KIAA0825: variants seen among roughly 807,000 people sequenced by gnomAD.
KIAA0825 encodes uncharacterized protein KIAA0825.
Under a neutral mutation model 147.6 loss-of-function variants are expected in KIAA0825, and 119 were observed. The observed-to-expected ratio is 0.81, with a 90% confidence interval of 0.69 to 0.94. The LOEUF (loss-of-function observed/expected upper bound fraction) is 0.94, where lower values mean the gene tolerates loss of function less well. Among genes scored for constraint, KIAA0825 ranks in the 40% least tolerant of loss-of-function variants. KIAA0825 has a pLI of 0.00. For missense variants in KIAA0825, 1,381 were observed against 1,472.7 expected (o/e 0.94, Z 1.02); for synonymous variants, 470 against 518.1 (o/e 0.91, Z 1.26).
At chr5:94,529,244 A>C (rs1024977924) in intron 3 of KIAA0825, among the ~76,000 whole-genome samples, 2 of 123,252 alleles carry the variant, frequency 1.6e-5, no homozygotes, top group Non-Finnish European at 3.3e-5. Flanking sequence ...ATGTATATAT[A>C]CATATATATG....
intron 12 of KIAA0825, among the ~76,000 whole-genome samples, chr5:94,458,873 A>AGAT (rs1437080238): frequency 7.9e-5 from 12 of 152,160 alleles, no homozygotes; most frequent in Admixed American, 7.9e-4. Context: ...GTATACAATT[A>AGAT]GATGGTTTAT....
intron 15 of KIAA0825, chr5:94,415,796 T>A (rs987862769): frequency 1.3e-5 from 2 of 152,188 alleles, no homozygotes; most frequent in Admixed American, 1.3e-4. Flanking sequence ...CAAGAAACAG[T>A]TTTATTTTGC....
At chr5:94,352,021 G>C (rs1444986134) in intron 20 of KIAA0825, among the ~76,000 whole-genome samples, 2 of 152,116 alleles carry the variant, frequency 1.3e-5, no homozygotes, top group Non-Finnish European at 2.9e-5. Flanking sequence ...GCTTAGGCAA[G>C]GATTTCATGA....
intron 17 of KIAA0825, among the ~76,000 whole-genome samples, chr5:94,392,726 G>A (rs906593873): frequency 6.6e-6 from 1 of 152,070 alleles, no homozygotes. Context: ...AGTCAATGCC[G>A]CTGACCTGAA....
intron 20 of KIAA0825, among the ~76,000 whole-genome samples, chr5:94,222,353 A>G (rs1773739337): frequency 6.6e-6 from 1 of 152,196 alleles, no homozygotes; most frequent in South Asian, 2.1e-4. Context: ...AAAGAAAAGA[A>G]GAGGAGAGAG....
At chr5:94,274,900 C>G (rs921705021) in intron 20 of KIAA0825, among the ~76,000 whole-genome samples, 1 of 152,018 alleles carries the variant, frequency 6.6e-6, no homozygotes, top group Non-Finnish European at 1.5e-5. Context: ...TGTCACGTGA[C>G]CATTTCTGAA....
intron 20 of KIAA0825, among the ~76,000 whole-genome samples, chr5:94,172,986 C>T (rs1768773545): frequency 6.6e-6 from 1 of 152,174 alleles, no homozygotes; most frequent in Admixed American, 6.6e-5. Context: ...TGGTATTTTA[C>T]TGTCCCTCAT....
intron 8 of KIAA0825, among the ~76,000 whole-genome samples, 186 bp downstream of exon 8, chr5:94,473,106 C>G (rs767334894): frequency 2.6e-5 from 4 of 152,142 alleles, no homozygotes; most frequent in Non-Finnish European, 5.9e-5. Context: ...AAGTTAGCAC[C>G]AGGTATAAGT....
chr5:94,160,636 ATG>A (rs912153986), intron 20 of KIAA0825, among the ~76,000 whole-genome samples: 1 of 148,236 alleles, frequency 6.7e-6, no homozygotes, highest in African/African-American at 2.5e-5. Context: ...TATATACTGT[ATG>A]TGTGTATATT....
chr5:94,390,227 G>A (rs1384627052), intron 18 of KIAA0825, among the ~76,000 whole-genome samples: 2 of 152,204 alleles, frequency 1.3e-5, no homozygotes, highest in Non-Finnish European at 2.9e-5. Flanking sequence ...CGTTCTATCA[G>A]TTTGGCAATT....
chr5:94,545,353 A>G (rs1385315991), intron 2 of KIAA0825, among the ~76,000 whole-genome samples: 1 of 152,140 alleles, frequency 6.6e-6, no homozygotes, highest in Non-Finnish European at 1.5e-5. Context: ...AAGGCAGTAT[A>G]TGACCTAAGG....
At chr5:94,394,612 C>A (rs2150574972) in intron 17 of KIAA0825, among the ~76,000 whole-genome samples, 1 of 152,210 alleles carries the variant, frequency 6.6e-6, no homozygotes, top group Non-Finnish European at 1.5e-5. Context: ...TTAAATGGAC[C>A]TTATTTGATA....
At chr5:94,176,631 A>T (rs1769127810) in intron 20 of KIAA0825, among the ~76,000 whole-genome samples, 1 of 152,046 alleles carries the variant, frequency 6.6e-6, no homozygotes, top group South Asian at 2.1e-4. Context: ...CAAAATTATC[A>T]TTAAAAAGCA....
chr5:94,573,634 G>A (rs917306093), intron 2 of KIAA0825, among the ~76,000 whole-genome samples: 4 of 152,146 alleles, frequency 2.6e-5, no homozygotes, highest in Non-Finnish European at 5.9e-5. Flanking sequence ...TTCCTATTCA[G>A]ATCTTTAAAA....
At chr5:94,180,761 CTAAG>C (rs1484548751) in intron 20 of KIAA0825, among the ~76,000 whole-genome samples, 9 of 152,098 alleles carry the variant, frequency 5.9e-5, no homozygotes, top group Non-Finnish European at 1.2e-4. Flanking sequence ...TTGAAATTAA[CTAAG>C]TCTTACATAC....
intron 14 of KIAA0825, among the ~76,000 whole-genome samples, chr5:94,432,979 A>G (rs1422984192): frequency 6.6e-6 from 1 of 152,230 alleles, no homozygotes; most frequent in African/African-American, 2.4e-5. Flanking sequence ...TGAAAGACCA[A>G]GAAAATATTA....
chr5:94,380,006 ACCACG>A (rs1748163468), intron 20 of KIAA0825, among the ~76,000 whole-genome samples: 1 of 151,520 alleles, frequency 6.6e-6, no homozygotes, highest in African/African-American at 2.4e-5. Flanking sequence ...GGTGCCTACC[ACCACG>A]CCCGGCTAAT....
chr5:94,234,169 A>C (rs991613847), intron 20 of KIAA0825, among the ~76,000 whole-genome samples: 4 of 151,982 alleles, frequency 2.6e-5, no homozygotes, highest in African/African-American at 9.7e-5. Flanking sequence ...GATCGAGACC[A>C]TCCTGGCTAA....
At chr5:94,458,489 G>A (rs980061184) in intron 12 of KIAA0825, among the ~76,000 whole-genome samples, 5 of 152,174 alleles carry the variant, frequency 3.3e-5, no homozygotes, top group African/African-American at 1.2e-4. Flanking sequence ...ACTGGACCTT[G>A]GGGTACACCA....
Sources: allele counts gnomAD v4.1 joint callset (sites outside exome capture counted in the v4.1 genomes callset), GRCh38; gene constraint gnomAD v4.1.1; transcripts MANE v1.5; gene names NCBI Gene and HGNC (gene_info 2026-07-23, HGNC 2026-07-21).